Variants in ITPR1 observed in about 807,000 individuals in gnomAD.
ITPR1 encodes the protein inositol 1,4,5-trisphosphate-gated calcium channel ITPR1.
ITPR1 carries 96 observed loss-of-function variants against 318.4 expected under a neutral mutation model. That is an observed-to-expected ratio of 0.30 (90% CI 0.26 to 0.36). The LOEUF (loss-of-function observed/expected upper bound fraction) is 0.36. Among genes scored for constraint, ITPR1 ranks in the 10% least tolerant of loss-of-function variants. The pLI is 1.00. For missense variants in ITPR1, 2,440 were observed against 3,460.2 expected (o/e 0.71, Z 7.40); for synonymous variants, 1,312 against 1,289.9 (o/e 1.02, Z -0.37).
At chr3:4,495,921 A>G (rs902297112) in intron 2 of ITPR1, among the ~76,000 whole-genome samples, 14 of 152,202 alleles carry the variant, frequency 9.2e-5, no homozygotes, top group African/African-American at 3.1e-4. Flanking sequence ...CCTCCCACCA[A>G]TGATGAAATA....
In ITPR1 at chr3:4,632,929, C is replaced by CTTTTT. The variant is rs1156474451; in HGVS notation, c.279+5075_279+5079dup. On this transcript the variant is annotated intron_variant, in intron 5 of 61. Coordinates refer to ENST00000649015, the MANE Select transcript of ITPR1 (RefSeq NM_001378452.1). ...AAGATTACTGATGTGACTTTCAGGT[C>CTTTTT]TTTTTTTTTTTTTTTTTTTTTTTTT... Among the ~76,000 whole-genome samples the CTTTTT allele has an allele frequency of 3.3e-4, 22 of 66,032 alleles. 2 individuals are homozygous for CTTTTT. Among genetic ancestry groups the CTTTTT allele is most frequent in the African/African-American group, 7.0e-4 (10 of 14,268 alleles). 43.3% of individuals were successfully genotyped at this position (66,032 alleles called of 152,430 possible). A position where few individuals can be genotyped will look rare whatever the true frequency, so the allele number is the denominator to read the frequency against.
intron 53 of ITPR1, among the ~76,000 whole-genome samples, chr3:4,798,632 A>G (rs1365324421): frequency 6.6e-6 from 1 of 152,256 alleles, no homozygotes; most frequent in African/African-American, 2.4e-5. Context: ...GTCCACTCCA[A>G]GAATTGAACA....
chr3:4,781,247 G>A (rs1207420682), intron 49 of ITPR1, among the ~76,000 whole-genome samples: 1 of 152,196 alleles, frequency 6.6e-6, no homozygotes, highest in Non-Finnish European at 1.5e-5. Flanking sequence ...CATGGGAATG[G>A]CCTCGTGGCA....
chr3:4,674,211 T>C lies in ITPR1; in HGVS notation c.2466T>C (p.Ser822=), dbSNP rs904518548. 1 of 1,550,714 alleles carries C rather than the reference T, an allele frequency of 6.4e-7. No homozygotes were observed. Among genetic ancestry groups the C allele is most frequent in the Non-Finnish European group, 8.7e-7 (1 of 1,146,864 alleles). The change falls in exon 22 of 62, where the codon AGT becomes AGC. Residue 822 remains serine (S), a synonymous_variant. Coordinates refer to ENST00000649015, the MANE Select transcript of ITPR1 (RefSeq NM_001378452.1). ...PSEIAIDDYD[S]SGASKDEIKE... is the part of the protein sequence containing the mutation. ...TCTCCTTTCTTTTCAGCTATGATAG[T>C]AGTGGAGCTTCCAAAGATGAAATTA...
Position 4,800,410 on chromosome 3 carries a change from GT to G in ITPR1, c.6932-11del. On this transcript the variant is annotated splice_polypyrimidine_tract_variant and intron_variant, in intron 53 of 61. Transcript: ENST00000649015. The stretch of plus-strand genomic sequence containing the variant: ...AGGCACAGATTTGTGAGAGAACCCT[GT>G]TTTGTCCTTGCAGGAACCCTGGAGC... The G allele has an allele frequency of 6.2e-7, 1 of 1,611,974 alleles. No individual in the cohort carries two copies. Among genetic ancestry groups the G allele is most frequent in the Non-Finnish European group, 8.5e-7 (1 of 1,179,334 alleles).
chr3:4,780,109 G>A (rs2046732665), intron 49 of ITPR1, among the ~76,000 whole-genome samples: 2 of 151,932 alleles, frequency 1.3e-5, no homozygotes, highest in Non-Finnish European at 2.9e-5. Flanking sequence ...GCACTTTCCT[G>A]ATCCATAAAA....
In ITPR1 at chr3:4,661,041, CA is replaced by C; in HGVS notation, c.1208del (p.Asn403IlefsTer12). 6.2e-7 allele frequency: 1 copy of C among 1,611,044 alleles called. No homozygotes were observed. The highest frequency in any genetic ancestry group is 8.5e-7 in the Non-Finnish European group (1 of 1,177,374). On this transcript the variant is annotated frameshift_variant, in exon 14 of 62. Coordinates refer to ENST00000649015, the MANE Select transcript of ITPR1 (RefSeq NM_001378452.1). LOFTEE classifies it high-confidence loss of function. ...TGTACTAATACCTGGGTTCACAGCA[CA>C]AATATTCCTATTGACAAGGAAGAAG... ...HLCTNTWVHS[T>X]NIPIDKEEEK...
At chr3:4,702,144 T>C (rs1011794493) in intron 35 of ITPR1, among the ~76,000 whole-genome samples, 1 of 129,094 alleles carries the variant, frequency 7.7e-6, no homozygotes, top group Non-Finnish European at 1.8e-5. Context: ...CAGTGTCAAA[T>C]TGATTCAGTG....
intron 4 of ITPR1, among the ~76,000 whole-genome samples, chr3:4,623,420 C>G (rs915747151): frequency 7.9e-5 from 12 of 152,152 alleles, no homozygotes; most frequent in African/African-American, 2.7e-4. Flanking sequence ...CCTCAAAGGC[C>G]TAAAATAATA....
intron 50 of ITPR1, 106 bp from the exon 51 acceptor site, chr3:4,783,709 TG>T: frequency 1.1e-6 from 1 of 922,906 alleles, no homozygotes; most frequent in Non-Finnish European, 1.7e-6. Flanking sequence ...CCCTTTGGCT[TG>T]CTGCTGGTTA....
At chr3:4,573,117 C>G (rs909109464) in intron 4 of ITPR1, among the ~76,000 whole-genome samples, 1 of 152,170 alleles carries the variant, frequency 6.6e-6, no homozygotes, top group Non-Finnish European at 1.5e-5. Flanking sequence ...ACCGGAATTA[C>G]TAGATTATAT....
chr3:4,518,982 G>C (rs1221372185), intron 3 of ITPR1, among the ~76,000 whole-genome samples: 1 of 152,148 alleles, frequency 6.6e-6, no homozygotes, highest in East Asian at 1.9e-4. Context: ...AGTAAGCTGG[G>C]TTGACAGAGT....
chr3:4,790,861 C>T (rs2047510186), intron 52 of ITPR1, among the ~76,000 whole-genome samples: 1 of 152,230 alleles, frequency 6.6e-6, no homozygotes, highest in African/African-American at 2.4e-5. Flanking sequence ...CTAGAACACA[C>T]ACATAGTCTT....
chr3:4,556,380 A>G (rs1425232296), intron 4 of ITPR1, among the ~76,000 whole-genome samples: 2 of 152,214 alleles, frequency 1.3e-5, no homozygotes, highest in Non-Finnish European at 2.9e-5. Context: ...ATTTGGACAA[A>G]TGTATAATGG....
intron 4 of ITPR1, among the ~76,000 whole-genome samples, chr3:4,622,960 C>G (rs1489210031): frequency 1.3e-5 from 2 of 152,208 alleles, no homozygotes; most frequent in Admixed American, 1.3e-4. Flanking sequence ...AAAGTTCTAG[C>G]AGTGGGGAGG....
At chr3:4,673,727 C>T (rs1449240879) in intron 21 of ITPR1, among the ~76,000 whole-genome samples, 6 of 152,066 alleles carry the variant, frequency 3.9e-5, no homozygotes, top group East Asian at 1.9e-4. Flanking sequence ...GGACTACAGA[C>T]GCCCACCACC....
Position 4,583,903 on chromosome 3 carries a change from C to G in ITPR1, c.164-43860C>G, listed in dbSNP as rs142225868. On this transcript the variant is annotated intron_variant, in intron 4 of 61. Transcript: ENST00000649015. ...CAGATACATAGTTCAATGTAAACTTCCCTTTGAAACTAGGTACTCACAAAA... is the reference window on the plus strand; with the variant it reads ...CAGATACATAGTTCAATGTAAACTTGCCTTTGAAACTAGGTACTCACAAAA... Among the ~76,000 whole-genome samples the G allele has an allele frequency of 6.6e-5, 10 of 152,292 alleles. No homozygotes were observed. The East Asian group carries it at 1.4e-3, about 21-fold the overall frequency.
chr3:4,500,084 A>G (rs2080907913), intron 2 of ITPR1, among the ~76,000 whole-genome samples: 2 of 152,210 alleles, frequency 1.3e-5, no homozygotes. Flanking sequence ...TGTCTTTGCT[A>G]GCTTTTTTGA....
At chr3:4,571,960 A>G (rs889632213) in intron 4 of ITPR1, among the ~76,000 whole-genome samples, 1 of 152,180 alleles carries the variant, frequency 6.6e-6, no homozygotes, top group African/African-American at 2.4e-5. Flanking sequence ...AGCACCTACT[A>G]TGAATTTAGG....
Sources: allele counts gnomAD v4.1 joint callset (sites outside exome capture counted in the v4.1 genomes callset), GRCh38; gene constraint gnomAD v4.1.1; transcripts MANE v1.5; gene names NCBI Gene and HGNC (gene_info 2026-07-23, HGNC 2026-07-21).